ARHGAP44: variants seen among roughly 807,000 people sequenced by gnomAD.
The protein encoded by ARHGAP44 is Rho GTPase activating protein 44.
In ARHGAP44, 43 loss-of-function variants were observed where a neutral mutation model predicts 106.8. The ratio of observed to expected loss-of-function variants is 0.40; its 90% CI spans 0.32 to 0.52. ARHGAP44 has a LOEUF of 0.52. ARHGAP44 is among the 20% of genes least tolerant of loss of function. The pLI is 0.48. For missense variants in ARHGAP44, 866 were observed against 1,050.5 expected, an observed-to-expected ratio of 0.82 and a Z score of 2.43; for synonymous variants, 439 against 410.3, an observed-to-expected ratio of 1.07 and a Z score of -0.85.
chr17:12,876,662 C>T (rs2036564839), intron 1 of ARHGAP44, among the ~76,000 whole-genome samples: 1 of 151,910 alleles, frequency 6.6e-6, no homozygotes, highest in Admixed American at 6.5e-5. Flanking sequence ...AATCTGTAAT[C>T]CCAGCACTTT....
At chr17:12,842,564 C>T (rs1320998555) in intron 1 of ARHGAP44, among the ~76,000 whole-genome samples, 1 of 152,182 alleles carries the variant, frequency 6.6e-6, no homozygotes, top group African/African-American at 2.4e-5. Context: ...GAGGACTCCA[C>T]CCCTAGAGTT....
At chr17:12,974,352 T>C in intron 18 of ARHGAP44, 42 bp downstream of exon 18, 4 of 1,350,150 alleles carry the variant, frequency 3.0e-6, no homozygotes, top group Non-Finnish European at 3.8e-6. Flanking sequence ...TGGTGTGCGG[T>C]GCAGGGGGTG....
intron 1 of ARHGAP44, among the ~76,000 whole-genome samples, chr17:12,894,286 A>C (rs930460416): frequency 7.2e-6 from 1 of 138,774 alleles, no homozygotes; most frequent in African/African-American, 2.7e-5. Context: ...TGTCAGATAA[A>C]GAGAGAGTGA....
At position 12,949,568 on chromosome 17, in the gene ARHGAP44, C is replaced by A; in HGVS notation, c.974-81C>A. 7.4e-7 allele frequency: 1 copy of A among 1,346,308 alleles called. No homozygotes were observed. The highest frequency in any genetic ancestry group is 1.0e-6 in the Non-Finnish European group (1 of 956,452). The allele number at this position is 1,346,308 out of a possible 1,614,324, so 83.4% of individuals were successfully genotyped here. A position where few individuals can be genotyped will look rare whatever the true frequency, so the allele number is the denominator to read the frequency against. The stretch of plus-strand genomic sequence containing the variant: ...TCAGGAGGCCCATCCCCAGATGGAA[C>A]CCACATAGGCAGTGCTGGCTGGTGG... On this transcript the variant is annotated intron_variant, in intron 11 of 20. Transcript: ENST00000379672. This position sits in a 1 kb window ranked among gnomAD's most constrained non-coding sequence, Gnocchi z 4.1.
chr17:12,844,862 T>TG (rs113584825), intron 1 of ARHGAP44, among the ~76,000 whole-genome samples: 50,232 of 151,790 alleles, frequency 0.33, 13,484 homozygotes, highest in African/African-American at 0.74. Flanking sequence ...TGGTTATCTG[T>TG]CGAAGATTGG....
chr17:12,946,654 C>T (rs1189251604), intron 10 of ARHGAP44, among the ~76,000 whole-genome samples: 2 of 151,844 alleles, frequency 1.3e-5, no homozygotes, highest in Admixed American at 6.6e-5. Context: ...CAAAAATTAG[C>T]TGGGCATAGT....
chr17:12,963,723 C>T (rs372213886), intron 16 of ARHGAP44, among the ~76,000 whole-genome samples: 16 of 152,270 alleles, frequency 1.1e-4, no homozygotes, highest in South Asian at 2.1e-4. Context: ...GCAGACAGGC[C>T]GGCCTTGCGA....
chr17:12,984,795 G>A lies in ARHGAP44; in HGVS notation c.2204G>A (p.Arg735Lys). ...KSRPTPKPRQ[R>K]PTLPPPQPPT... ...CGGCCCACTCCTAAGCCGCGACAGAGACCTACTCTGCCGCCTCCTCAGCCT... is the reference window on the plus strand; with the variant it reads ...CGGCCCACTCCTAAGCCGCGACAGAAACCTACTCTGCCGCCTCCTCAGCCT... The change falls in exon 20 of 21, where the codon AGA (arginine) becomes AAA (lysine). Residue 735 changes from arginine (R) to lysine (K), a missense_variant. Transcript: ENST00000379672. 1.9e-6 allele frequency: 3 copies of A among 1,613,922 alleles called. No individual in the cohort carries two copies. Among genetic ancestry groups the A allele is most frequent in the Non-Finnish European group, 2.5e-6 (3 of 1,179,900 alleles).
At chr17:12,948,723 TACACAC>T (rs71369353) in intron 10 of ARHGAP44, among the ~76,000 whole-genome samples, 1 of 29,308 alleles carries the variant, frequency 3.4e-5, no homozygotes, top group Non-Finnish European at 6.7e-5. Context: ...CCAACACACA[TACACAC>T]ACACACACAC....
intron 1 of ARHGAP44, among the ~76,000 whole-genome samples, chr17:12,821,864 A>G (rs2034780454): frequency 6.6e-6 from 1 of 152,178 alleles, no homozygotes; most frequent in South Asian, 2.1e-4. Context: ...GGGAAAGGTA[A>G]GTAGTCTAGT....
intron 15 of ARHGAP44, 109 bp downstream of exon 15, chr17:12,956,855 A>G: frequency 1.3e-6 from 1 of 783,138 alleles, no homozygotes; most frequent in Non-Finnish European, 2.0e-6. Flanking sequence ...TTTTTTTTTG[A>G]TTCCCCTATA....
At position 12,956,640 on chromosome 17, in the gene ARHGAP44, G is replaced by A; in HGVS notation, c.1251-15G>A. The A allele has an allele frequency of 6.2e-7, 1 of 1,611,492 alleles. No homozygotes were observed. The highest frequency in any genetic ancestry group is 2.2e-5 in the East Asian group (1 of 44,866). On this transcript the variant is annotated splice_polypyrimidine_tract_variant and intron_variant, in intron 14 of 20. Coordinates refer to ENST00000379672, the MANE Select transcript of ARHGAP44 (RefSeq NM_014859.6). Reference sequence around the variant, plus strand: ...TGCTAACTCCACCCTGTTTGCCTCTGCTCTCTGCTTACAGGAACATTACAG... The same window carrying A: ...TGCTAACTCCACCCTGTTTGCCTCTACTCTCTGCTTACAGGAACATTACAG...
At chr17:12,841,168 T>G (rs745468700) in intron 1 of ARHGAP44, among the ~76,000 whole-genome samples, 8 of 152,168 alleles carry the variant, frequency 5.3e-5, no homozygotes, top group Admixed American at 1.3e-4. Flanking sequence ...CAGAGGCACA[T>G]CCTGGGCCAA....
intron 16 of ARHGAP44, among the ~76,000 whole-genome samples, chr17:12,962,659 A>T (rs2039290522): frequency 6.6e-6 from 1 of 152,196 alleles, no homozygotes; most frequent in Non-Finnish European, 1.5e-5. Flanking sequence ...CAAGCCAGAG[A>T]TTGCCAACAG....
At chr17:12,859,106 A>T (rs2035993258) in intron 1 of ARHGAP44, among the ~76,000 whole-genome samples, 1 of 152,222 alleles carries the variant, frequency 6.6e-6, no homozygotes, top group Non-Finnish European at 1.5e-5. Flanking sequence ...GCTTTAATCC[A>T]ATATGACTGT....
At chr17:12,922,848 G>T (rs142152237) in intron 6 of ARHGAP44, among the ~76,000 whole-genome samples, 1 of 152,174 alleles carries the variant, frequency 6.6e-6, no homozygotes, top group Non-Finnish European at 1.5e-5. Context: ...ACTAGACAAA[G>T]TCTAGAGTTA....
intron 18 of ARHGAP44, 45 bp downstream of exon 18, chr17:12,974,355 A>G: frequency 1.5e-6 from 2 of 1,348,922 alleles, no homozygotes; most frequent in Non-Finnish European, 1.9e-6. Context: ...TGTGCGGTGC[A>G]GGGGGTGTCT....
intron 3 of ARHGAP44, among the ~76,000 whole-genome samples, chr17:12,908,534 C>G (rs2037632210): frequency 6.6e-6 from 1 of 152,180 alleles, no homozygotes; most frequent in South Asian, 2.1e-4. Context: ...AAGGCTAATA[C>G]ACTCCTTAAG....
In ARHGAP44 at chr17:12,949,695, C is replaced by T. The variant is rs778806555; in HGVS notation, c.1020C>T (p.Thr340=). The T allele has an allele frequency of 6.2e-7, 1 of 1,613,812 alleles. No homozygotes were observed. Among genetic ancestry groups the T allele is most frequent in the Non-Finnish European group, 8.5e-7 (1 of 1,179,844 alleles). ...GAGAGTTGCCAGAACCTCTTATGAC[C>T]TTTGAACTCTATGATGAGTGGATCC... The part of the protein sequence containing the change: ...YLRELPEPLM[T]FELYDEWIQA... The change falls in exon 12 of 21, where the codon ACC becomes ACT. Residue 340 remains threonine, a synonymous_variant. Coordinates refer to ENST00000379672, the MANE Select transcript of ARHGAP44 (RefSeq NM_014859.6). The surrounding 1 kb of genome is among the most constrained non-coding windows in gnomAD (Gnocchi z 4.1).
Sources: allele counts gnomAD v4.1 joint callset (sites outside exome capture counted in the v4.1 genomes callset), GRCh38; gene constraint gnomAD v4.1.1; non-coding constraint Gnocchi (gnomAD v3.1); transcripts MANE v1.5; gene names NCBI Gene and HGNC (gene_info 2026-07-23, HGNC 2026-07-21).